BRIP1: variants seen among roughly 807,000 people sequenced by gnomAD.
The protein encoded by BRIP1 is BRCA1 interacting DNA helicase 1.
Under a neutral mutation model 119.7 loss-of-function variants are expected in BRIP1, and 88 were observed. The ratio of observed to expected loss-of-function variants is 0.74; its 90% CI spans 0.62 to 0.88. The LOEUF (loss-of-function observed/expected upper bound fraction) is 0.88. Among genes scored for constraint, BRIP1 ranks in the 40% least tolerant of loss-of-function variants. The pLI is 0.00. For synonymous variants in BRIP1, 443 were observed against 496.5 expected (o/e 0.89, Z 1.43); for missense variants, 1,259 against 1,455.4 (o/e 0.87, Z 2.20).
At chr17:61,859,142 A>C (rs570104376) in intron 3 of BRIP1, among the ~76,000 whole-genome samples, 5 of 152,226 alleles carry the variant, frequency 3.3e-5, no homozygotes, top group African/African-American at 1.2e-4. Flanking sequence ...TGGCATTTAA[A>C]CAAGTAGAAA....
chr17:61,721,929 A>G (rs1405981265), intron 16 of BRIP1, among the ~76,000 whole-genome samples: 1 of 150,868 alleles, frequency 6.6e-6, no homozygotes, highest in Non-Finnish European at 1.5e-5. Flanking sequence ...GGGTTTCACC[A>G]TGTTGGCTAG....
rs2077563430 is a variant in BRIP1, at chr17:61,778,215, T to C, written c.1936-1653A>G. 6.6e-6 allele frequency among the ~76,000 whole-genome samples: 1 copy of C among 152,176 alleles called. No individual in the cohort carries two copies. Among genetic ancestry groups the C allele is most frequent in the African/African-American group, 2.4e-5 (1 of 41,450 alleles). Reference sequence around the variant, plus strand: ...GACAAACCTTGAGGACATTACTAAGTAAAATAAGCCAGTCACAAAAACGAC... The same window carrying C: ...GACAAACCTTGAGGACATTACTAAGCAAAATAAGCCAGTCACAAAAACGAC... On this transcript the variant is annotated intron_variant, in intron 13 of 19. Transcript: ENST00000259008. This position sits in a 1 kb window ranked among gnomAD's most constrained non-coding sequence, Gnocchi z 4.4.
At chr17:61,707,113 T>C (rs1420944504) in intron 17 of BRIP1, among the ~76,000 whole-genome samples, 1 of 152,156 alleles carries the variant, frequency 6.6e-6, no homozygotes, top group Non-Finnish European at 1.5e-5. Flanking sequence ...TTTTAGGTCC[T>C]TGTATGTTGA....
chr17:61,855,787 A>G (rs1054673900), intron 4 of BRIP1, among the ~76,000 whole-genome samples: 2 of 152,162 alleles, frequency 1.3e-5, no homozygotes, highest in Admixed American at 1.3e-4. Flanking sequence ...TTCTAGGGAT[A>G]CAATGGTAAG....
At position 61,770,933 on chromosome 17, in the gene BRIP1, T is replaced by A. The variant is rs147004217; in HGVS notation, c.2097+5468A>T. 1.3e-5 allele frequency among the ~76,000 whole-genome samples: 2 copies of A among 152,180 alleles called. No individual in the cohort carries two copies. The highest frequency in any genetic ancestry group is 4.8e-5 in the African/African-American group (2 of 41,446). ...GCATTTGTAAACACTACCTTAGCAC[T>A]AATTACATTAAACGTAAATGGAGTA... On this transcript the variant is annotated intron_variant, in intron 14 of 19. Transcript: ENST00000259008. The surrounding 1 kb of genome is among the most constrained non-coding windows in gnomAD (Gnocchi z 4.7).
Position 61,789,855 on chromosome 17 carries a change from T to C in BRIP1, c.1473+3742A>G, listed in dbSNP as rs959463027. Among the ~76,000 whole-genome samples the C allele has an allele frequency of 6.6e-6, 1 of 152,216 alleles. No homozygotes were observed. The highest frequency in any genetic ancestry group is 2.4e-5 in the African/African-American group (1 of 41,456). On this transcript the variant is annotated intron_variant, in intron 10 of 19. Transcript: ENST00000259008. This position sits in a 1 kb window ranked among gnomAD's most constrained non-coding sequence, Gnocchi z 4.8. ...GCATAAGTAGACATAAATCACAATG[T>C]TCACAATGTTCATCTTTGAGTTTAT...
chr17:61,837,206 C>G (rs1335480474), intron 6 of BRIP1, among the ~76,000 whole-genome samples: 2 of 152,196 alleles, frequency 1.3e-5, no homozygotes, highest in African/African-American at 4.8e-5. Context: ...GAGTGTCTGG[C>G]ACATAACACA....
intron 18 of BRIP1, among the ~76,000 whole-genome samples, chr17:61,688,593 T>G (rs112940203): frequency 2.2e-4 from 34 of 152,224 alleles, no homozygotes; most frequent in African/African-American, 7.5e-4. Context: ...CCAGGGCTGA[T>G]GAGTGAAGGT....
Position 61,823,378 on chromosome 17 carries a change from G to A in BRIP1, c.628-14621C>T, listed in dbSNP as rs1192080425. 2.6e-5 allele frequency among the ~76,000 whole-genome samples: 4 copies of A among 152,132 alleles called. No homozygotes were observed. The highest frequency in any genetic ancestry group is 4.8e-5 in the African/African-American group (2 of 41,416). ...AACAGTACTTTTCAGACACTGAATT[G>A]TGATCTCAGAGAAAAGGAAACAAAG... On this transcript the variant is annotated intron_variant, in intron 6 of 19. Transcript: ENST00000259008. This position sits in a 1 kb window ranked among gnomAD's most constrained non-coding sequence, Gnocchi z 4.8.
At position 61,735,494 on chromosome 17, in the gene BRIP1, G is replaced by A. The variant is rs2076904672; in HGVS notation, c.2379+7519C>T. Among the ~76,000 whole-genome samples the A allele has an allele frequency of 6.6e-6, 1 of 152,064 alleles. No individual in the cohort carries two copies. The highest frequency in any genetic ancestry group is 1.5e-5 in the Non-Finnish European group (1 of 67,996). On this transcript the variant is annotated intron_variant, in intron 16 of 19. Coordinates refer to ENST00000259008, the MANE Select transcript of BRIP1 (RefSeq NM_032043.3). This position sits in a 1 kb window ranked among gnomAD's most constrained non-coding sequence, Gnocchi z 4.4. The stretch of plus-strand genomic sequence containing the variant: ...ACTGTGAATAGCTTCTTGAAGCCAA[G>A]AGTACACCTTAGGGCTAGGCACGGT...
At position 61,851,013 on chromosome 17, in the gene BRIP1, A is replaced by T. The variant is rs1200352638; in HGVS notation, c.380-1757T>A. The stretch of plus-strand genomic sequence containing the variant: ...GAGGCCGAGGCAGGTGGATCACCTG[A>T]GGCCAGGAGTTTGAGACCAGCCTGG... On this transcript the variant is annotated intron_variant, in intron 4 of 19. Transcript: ENST00000259008. This position sits in a 1 kb window ranked among gnomAD's most constrained non-coding sequence, Gnocchi z 4.6. Among the ~76,000 whole-genome samples the T allele has an allele frequency of 2.0e-5, 3 of 152,122 alleles. No homozygotes were observed. Among genetic ancestry groups the T allele is most frequent in the Non-Finnish European group, 4.4e-5 (3 of 68,010 alleles).
In BRIP1 at chr17:61,846,250, G is replaced by A. The variant is rs1352705141; in HGVS notation, c.627+851C>T. ...ATAGAGAGAGAGAGAGAGAAAAAGA[G>A]AGAGAGAGAGAAAGAGAGAGAGAGA... On this transcript the variant is annotated intron_variant, in intron 6 of 19. Transcript: ENST00000259008. The surrounding 1 kb of genome is among the most constrained non-coding windows in gnomAD (Gnocchi z 4.3). 6.7e-6 allele frequency among the ~76,000 whole-genome samples: 1 copy of A among 149,178 alleles called. No individual in the cohort carries two copies. Among genetic ancestry groups the A allele is most frequent in the African/African-American group, 2.6e-5 (1 of 39,012 alleles).
In BRIP1 at chr17:61,686,027, T is replaced by C. The variant is rs1555573412; in HGVS notation, c.2714A>G (p.Asn905Ser). The change falls in exon 19 of 20, where the codon AAT becomes AGT. Residue 905 changes from asparagine (N) to serine (S), a missense_variant. Around this residue, in one of 3 missense-constraint regions of BRIP1, gnomAD observed 753 missense variants for 891.8 expected, o/e 0.84. Coordinates refer to ENST00000259008, the MANE Select transcript of BRIP1 (RefSeq NM_032043.3). The surrounding 1 kb of genome is among the most constrained non-coding windows in gnomAD (Gnocchi z 5.4). ...AGAGGTCACTTCAAGTGTAGACTCA[T>C]TGTCCTGTATATTGGTTCTGTCCTT... ...SIKDRTNIQD[N>S]ESTLEVTSLK... The C allele has an allele frequency of 6.2e-7, 1 of 1,613,942 alleles. No individual in the cohort carries two copies. The highest frequency in any genetic ancestry group is 8.5e-7 in the Non-Finnish European group (1 of 1,179,918).
In BRIP1 at chr17:61,683,741, T is replaced by C. The variant is rs748140041; in HGVS notation, c.3305A>G (p.Asp1102Gly). The change falls in exon 20 of 20, where the codon GAC (aspartate) becomes GGC (glycine). Residue 1102 changes from aspartate (D) to glycine (G), a missense_variant. Physicochemically the swap from Asp to Gly is moderately conservative, Grantham distance 94. Coordinates refer to ENST00000259008, the MANE Select transcript of BRIP1 (RefSeq NM_032043.3). The surrounding 1 kb of genome is among the most constrained non-coding windows in gnomAD (Gnocchi z 4.7). ...PLCSEEALDP[D>G]IELSLVSEED... Reference sequence around the variant, plus strand: ...TTCACTTACTAGAGACAATTCAATGTCTGGATCCAGGGCTTCTTCAGAACA... The same window carrying C: ...TTCACTTACTAGAGACAATTCAATGCCTGGATCCAGGGCTTCTTCAGAACA... The C allele has an allele frequency of 1.9e-6, 3 of 1,614,184 alleles. No homozygotes were observed. Among genetic ancestry groups the C allele is most frequent in the Non-Finnish European group, 2.5e-6 (3 of 1,180,024 alleles).
rs144884678 is a variant in BRIP1 at position 61,831,947 on chromosome 17, T to C, written c.627+15154A>G. Reference sequence around the variant, plus strand: ...GACAGATACAGAAAAAATATAGACATAAATGTATATGTCTATGAGTCTGGG... The same window carrying C: ...GACAGATACAGAAAAAATATAGACACAAATGTATATGTCTATGAGTCTGGG... On this transcript the variant is annotated intron_variant, in intron 6 of 19. Transcript: ENST00000259008. The surrounding 1 kb of genome is among the most constrained non-coding windows in gnomAD (Gnocchi z 4.1). 6.6e-6 allele frequency among the ~76,000 whole-genome samples: 1 copy of C among 152,188 alleles called. No homozygotes were observed. Among genetic ancestry groups the C allele is most frequent in the East Asian group, 1.9e-4 (1 of 5,182 alleles).
chr17:61,771,570 G>T (rs892798560), intron 14 of BRIP1, among the ~76,000 whole-genome samples: 1 of 152,094 alleles, frequency 6.6e-6, no homozygotes, highest in Non-Finnish European at 1.5e-5. Flanking sequence ...AACAAGTATT[G>T]GCAAAAATGT....
chr17:61,739,762 G>A lies in BRIP1; in HGVS notation c.2379+3251C>T, dbSNP rs2076963052. On this transcript the variant is annotated intron_variant, in intron 16 of 19. Transcript: ENST00000259008. The surrounding 1 kb of genome is among the most constrained non-coding windows in gnomAD (Gnocchi z 6.0). ...AGGTCATAATCAATAAGTCAGCTCA[G>A]TGGTCAGAAAATCTCAAATTTTCTC... Among the ~76,000 whole-genome samples, 1 of 152,174 alleles carries A rather than the reference G, an allele frequency of 6.6e-6. No individual in the cohort carries two copies. Among genetic ancestry groups the A allele is most frequent in the Non-Finnish European group, 1.5e-5 (1 of 68,024 alleles).
Position 61,709,995 on chromosome 17 carries a change from A to T in BRIP1, c.2492+5956T>A, listed in dbSNP as rs1224275124. Among the ~76,000 whole-genome samples, 4 of 152,136 alleles carry T rather than the reference A, an allele frequency of 2.6e-5. No individual in the cohort carries two copies. The highest frequency in any genetic ancestry group is 5.9e-5 in the Non-Finnish European group (4 of 68,020). On this transcript the variant is annotated intron_variant, in intron 17 of 19. Transcript: ENST00000259008. The surrounding 1 kb of genome is among the most constrained non-coding windows in gnomAD (Gnocchi z 5.0). ...GCACCTTTTCTGTCAATCAATATACATTATGAGTTTTATTAAATAACATAA... is the reference window on the plus strand; with the variant it reads ...GCACCTTTTCTGTCAATCAATATACTTTATGAGTTTTATTAAATAACATAA...
chr17:61,811,207 TCTTTTTTTGTTTTTCTTTTTGTTTTG>T (rs2078155915), intron 6 of BRIP1, among the ~76,000 whole-genome samples: 1 of 152,106 alleles, frequency 6.6e-6, no homozygotes, highest in Admixed American at 6.6e-5. Flanking sequence ...AAGATGGTTT[TCTTTTTTTGTTTTTCTTTTTGTTTTG>T]CTTTTTTTGA....
Sources: gnomAD v4.1 joint callset for allele counts (sites outside exome capture counted in the v4.1 genomes callset) on GRCh38, gnomAD v4.1.1 for gene constraint, gnomAD v4.1.1 regional missense constraint, Gnocchi (gnomAD v3.1) non-coding constraint, MANE v1.5 for transcripts, NCBI Gene and HGNC (gene_info 2026-07-23, HGNC 2026-07-21) for gene names.